NDRG4: variants seen among roughly 807,000 people sequenced by gnomAD.
NDRG4 encodes the protein protein NDRG4.
In NDRG4, 38 loss-of-function variants were observed where a neutral mutation model predicts 55.8. That is an observed-to-expected ratio of 0.68 (90% CI 0.53 to 0.89). NDRG4 has a LOEUF of 0.89. Among genes scored for constraint, NDRG4 ranks in the 40% least tolerant of loss-of-function variants. NDRG4 has a pLI of 0.00. For missense variants in NDRG4, 455 were observed against 468.6 expected (o/e 0.97, Z 0.27); for synonymous variants, 190 against 182.7 (o/e 1.04, Z -0.32).
At chr16:58,487,526 A>AAG (rs1161913711) in intron 1 of NDRG4, among the ~76,000 whole-genome samples, 1 of 152,000 alleles carries the variant, frequency 6.6e-6, no homozygotes, top group Admixed American at 6.5e-5. Flanking sequence ...TGTAAAAAAA[A>AAG]AAAAAAGAAA....
intron 1 of NDRG4, chr16:58,501,123 C>T: frequency 8.4e-7 from 1 of 1,184,918 alleles, no homozygotes; most frequent in African/African-American, 1.6e-5. Flanking sequence ...CAGGGGCAGA[C>T]TCACCCCCAC....
chr16:58,465,099 A>T (rs1180807098), intron 1 of NDRG4: 1 of 1,285,162 alleles, frequency 7.8e-7, no homozygotes. Flanking sequence ...GACGGGGGGG[A>T]GGATTCGAGG....
intron 1 of NDRG4, among the ~76,000 whole-genome samples, chr16:58,481,504 GCATAGGGATTCACAGGCTCAACC>G (rs1437624237): frequency 3.9e-5 from 6 of 152,092 alleles, no homozygotes; most frequent in Admixed American, 3.9e-4. Flanking sequence ...GTTGGTGAGG[GCATAGGGATTCACAGGCTCAACC>G]CAAGGAAAAA....
chr16:58,482,320 C>T (rs2151639898), intron 1 of NDRG4, among the ~76,000 whole-genome samples: 1 of 152,324 alleles, frequency 6.6e-6, no homozygotes, highest in South Asian at 2.1e-4. Flanking sequence ...ACCAGCCATT[C>T]CACAGTTCTA....
chr16:58,505,309 A>G (rs903519875), intron 5 of NDRG4, among the ~76,000 whole-genome samples: 5 of 151,968 alleles, frequency 3.3e-5, no homozygotes, highest in Non-Finnish European at 5.9e-5. Context: ...AGATCGCGCC[A>G]CTGCACTCCA....
intron 1 of NDRG4, chr16:58,465,091 C>G (rs2031316531): frequency 2.3e-6 from 3 of 1,285,512 alleles, no homozygotes; most frequent in South Asian, 2.5e-5. Context: ...GGAGCAGGGA[C>G]GGGGGGGAGG....
At chr16:58,468,301 A>G (rs2032107667) in intron 1 of NDRG4, among the ~76,000 whole-genome samples, 1 of 152,156 alleles carries the variant, frequency 6.6e-6, no homozygotes, top group African/African-American at 2.4e-5. Context: ...AGGGACAAGG[A>G]AGGCGGGGGT....
intron 14 of NDRG4, chr16:58,510,947 T>G: frequency 1.8e-6 from 1 of 568,994 alleles, no homozygotes; most frequent in Non-Finnish European, 3.1e-6. Flanking sequence ...CAGACCCTCC[T>G]TAGAGGTAGA....
chr16:58,500,278 G>A lies in NDRG4; in HGVS notation c.21+9G>A, dbSNP rs1282978775. On this transcript the variant is annotated intron_variant, in intron 1 of 14. Transcript: ENST00000570248. ...CGGAGTGCTGGGATGGGGTGAGTGA[G>A]GGCGCTGCGGGCATCAAGGTGGGCC... 6.5e-7 allele frequency: 1 copy of A among 1,535,770 alleles called. No homozygotes were observed. Among genetic ancestry groups the A allele is most frequent in the South Asian group, 1.2e-5 (1 of 84,032 alleles).
upstream of NDRG4, chr16:58,499,645 G>C (rs1056212391): frequency 1.9e-5 from 3 of 155,810 alleles, no homozygotes; most frequent in Non-Finnish European, 4.3e-5. Context: ...GGGAAGGCTG[G>C]GCGTGGGGGT....
intron 5 of NDRG4, among the ~76,000 whole-genome samples, chr16:58,505,592 T>A (rs1008813515): frequency 1.8e-4 from 28 of 152,020 alleles, no homozygotes; most frequent in Non-Finnish European, 4.0e-4. Context: ...GTGGTTATGC[T>A]GTTTTTCTTT....
intron 14 of NDRG4, 172 bp from the exon 15 acceptor site, chr16:58,511,250 C>T (rs913672955): frequency 3.8e-5 from 27 of 719,370 alleles, no homozygotes; most frequent in African/African-American, 1.8e-4. Flanking sequence ...TCACTGTCGC[C>T]GGCCCTGCAT....
intron 10 of NDRG4, 78 bp from the exon 11 acceptor site, chr16:58,508,884 T>A: frequency 6.5e-7 from 1 of 1,529,480 alleles, no homozygotes; most frequent in East Asian, 2.3e-5. Flanking sequence ...CTCCCCGAGC[T>A]TGGGGCATCA....
rs556735964 is a variant in NDRG4, at chr16:58,504,045, C to T, written c.128-109C>T. The T allele has an allele frequency of 3.0e-5, 47 of 1,581,370 alleles. No homozygotes were observed. In the African/African-American group the frequency reaches 3.2e-4, roughly 11 times the overall value. Reference sequence around the variant, plus strand: ...TTCGCCCTCCGGGCCTCCATTTCCCCGACGGACCCGAGGCTTACACTTCTG... The same window carrying T: ...TTCGCCCTCCGGGCCTCCATTTCCCTGACGGACCCGAGGCTTACACTTCTG... On this transcript the variant is annotated intron_variant, in intron 2 of 14. Transcript: ENST00000570248.
At chr16:58,491,589 T>G (rs1205795150) in intron 2 of NDRG4, among the ~76,000 whole-genome samples, 1 of 151,916 alleles carries the variant, frequency 6.6e-6, no homozygotes, top group Non-Finnish European at 1.5e-5. Context: ...GCCTCCCAAG[T>G]AGCTGGGATT....
intron 1 of NDRG4, among the ~76,000 whole-genome samples, chr16:58,472,457 C>T (rs1455494349): frequency 6.6e-6 from 1 of 152,210 alleles, no homozygotes; most frequent in Non-Finnish European, 1.5e-5. Context: ...TGCTGTCAAG[C>T]ACGTAGGGCC....
At chr16:58,509,258 C>G (rs1269425904) in intron 12 of NDRG4, 43 bp from the exon 13 acceptor site, 16 of 1,613,914 alleles carry the variant, frequency 9.9e-6, no homozygotes, top group Non-Finnish European at 1.4e-5. Flanking sequence ...CCTGCTAATC[C>G]TAGGCAGCCA....
At chr16:58,474,037 T>C (rs2033259878) in intron 1 of NDRG4, among the ~76,000 whole-genome samples, 1 of 134,804 alleles carries the variant, frequency 7.4e-6, no homozygotes, top group South Asian at 2.8e-4. Flanking sequence ...CCTTTTTTTT[T>C]TTTTTTTTTT....
intron 1 of NDRG4, chr16:58,500,927 C>A: frequency 1.8e-6 from 2 of 1,110,764 alleles, no homozygotes; most frequent in Non-Finnish European, 2.3e-6. Context: ...GACAGCCTTT[C>A]AGGCAGGGGT....
Sources: gnomAD v4.1 joint callset for allele counts (sites outside exome capture counted in the v4.1 genomes callset) on GRCh38, gnomAD v4.1.1 for gene constraint, MANE v1.5 for transcripts, NCBI Gene and HGNC (gene_info 2026-07-23, HGNC 2026-07-21) for gene names.